Variants in ANK3 observed in about 807,000 individuals in gnomAD.
The protein encoded by ANK3 is ankyrin 3.
In ANK3, 57 loss-of-function variants were observed where a neutral mutation model predicts 370.9. That is an observed-to-expected ratio of 0.15 (90% CI 0.12 to 0.19). The LOEUF is 0.19. Among genes scored for constraint, ANK3 ranks in the 10% least tolerant of loss-of-function variants. ANK3 has a pLI of 1.00. For missense variants in ANK3, 4,439 were observed against 5,302.1 expected, an observed-to-expected ratio of 0.84 and a Z score of 5.06; for synonymous variants, 1,929 against 1,946.3, an observed-to-expected ratio of 0.99 and a Z score of 0.23.
chr10:60,723,765 T>A (rs1454495876), intron 1 of ANK3, among the ~76,000 whole-genome samples: 1 of 152,172 alleles, frequency 6.6e-6, no homozygotes, highest in Non-Finnish European at 1.5e-5. Flanking sequence ...TATAGCCATT[T>A]TCTATAACTA....
intron 23 of ANK3, among the ~76,000 whole-genome samples, chr10:60,156,432 C>A (rs528104583): frequency 1.3e-5 from 2 of 152,168 alleles, no homozygotes; most frequent in Non-Finnish European, 2.9e-5. Flanking sequence ...ACATCAGCGA[C>A]AGCCAGGCAG....
intron 1 of ANK3, among the ~76,000 whole-genome samples, chr10:60,703,489 T>C (rs2079572146): frequency 6.6e-6 from 1 of 152,218 alleles, no homozygotes; most frequent in Non-Finnish European, 1.5e-5. Flanking sequence ...TCGGATTTTG[T>C]ATGTTTTAAA....
intron 1 of ANK3, among the ~76,000 whole-genome samples, chr10:60,653,561 CTT>C (rs2078821516): frequency 1.3e-5 from 2 of 152,112 alleles, no homozygotes; most frequent in Admixed American, 6.6e-5. Flanking sequence ...TAATGTGACT[CTT>C]TTGTTCTTTT....
chr10:60,719,664 T>A lies in ANK3; in HGVS notation c.57+13599A>T, dbSNP rs541226875. Among the ~76,000 whole-genome samples the A allele has an allele frequency of 2.0e-5, 3 of 152,296 alleles. No homozygotes were observed. In the South Asian group the frequency reaches 6.2e-4, roughly 32 times the overall value. ...GTGTCTATTCATACCCCAGAGCCAT[T>A]TATCCTTTTGGTACTTTGTCCTTTT... On this transcript the variant is annotated intron_variant, in intron 1 of 43. Transcript: ENST00000373827.
At chr10:60,635,555 T>C (rs987543019) in intron 1 of ANK3, among the ~76,000 whole-genome samples, 1 of 152,192 alleles carries the variant, frequency 6.6e-6, no homozygotes, top group Non-Finnish European at 1.5e-5. Context: ...AAGTCATTCA[T>C]AGAACATTTC....
chr10:60,358,099 TACACACACACACACACACACAA>T (rs1206522484), intron 1 of ANK3, among the ~76,000 whole-genome samples: 20 of 121,534 alleles, frequency 1.6e-4, no homozygotes, highest in African/African-American at 4.2e-4. Flanking sequence ...TGCATATGTA[TACACACACACACACACACACAA>T]ACACACACAC....
intron 2 of ANK3, among the ~76,000 whole-genome samples, chr10:60,506,785 C>T (rs1441062002): frequency 1.3e-5 from 2 of 152,074 alleles, no homozygotes; most frequent in African/African-American, 2.4e-5. Flanking sequence ...AAAAATTTCA[C>T]AGGTCTGAAG....
At chr10:60,404,847 G>A (rs2063421585) in intron 2 of ANK3, among the ~76,000 whole-genome samples, 1 of 152,104 alleles carries the variant, frequency 6.6e-6, no homozygotes, top group South Asian at 2.1e-4. Context: ...GAAAATATAA[G>A]TGACTCCAAC....
chr10:60,167,016 C>G, intron 21 of ANK3, 120 bp from the exon 22 acceptor site: 2 of 814,556 alleles, frequency 2.5e-6, no homozygotes, highest in Non-Finnish European at 4.0e-6. Context: ...TCTTGAATCT[C>G]CCACATATAA....
intron 7 of ANK3, among the ~76,000 whole-genome samples, chr10:60,255,330 A>C (rs1053845793): frequency 2.6e-4 from 39 of 152,192 alleles, no homozygotes; most frequent in African/African-American, 8.9e-4. Context: ...TAAATAGAAA[A>C]AAGGCTATCA....
intron 2 of ANK3, among the ~76,000 whole-genome samples, chr10:60,532,221 T>A (rs2133202010): frequency 6.6e-6 from 1 of 152,290 alleles, no homozygotes; most frequent in East Asian, 1.9e-4. Flanking sequence ...CATACTTACT[T>A]CTCACAATCA....
At chr10:60,635,506 A>G (rs2078541601) in intron 1 of ANK3, among the ~76,000 whole-genome samples, 1 of 152,130 alleles carries the variant, frequency 6.6e-6, no homozygotes, top group African/African-American at 2.4e-5. Context: ...GTTTCTGAAC[A>G]CCTTATCAGT....
At chr10:60,136,645 T>C (rs1250853479) in intron 24 of ANK3, among the ~76,000 whole-genome samples, 2 of 152,182 alleles carry the variant, frequency 1.3e-5, no homozygotes, top group African/African-American at 4.8e-5. Context: ...TCTCTATGAG[T>C]GCCAACTGCA....
chr10:60,356,030 T>G (rs1320894955), intron 1 of ANK3, among the ~76,000 whole-genome samples: 2 of 152,124 alleles, frequency 1.3e-5, no homozygotes, highest in South Asian at 2.1e-4. Flanking sequence ...AACACACACA[T>G]AAGAAGTTCA....
intron 7 of ANK3, among the ~76,000 whole-genome samples, chr10:60,253,751 AG>A (rs2097698963): frequency 6.6e-6 from 1 of 152,158 alleles, no homozygotes; most frequent in South Asian, 2.1e-4. Context: ...TTTCATGGGG[AG>A]GTTTACATAA....
At chr10:60,352,375 C>T (rs1283662709) in intron 1 of ANK3, among the ~76,000 whole-genome samples, 1 of 152,198 alleles carries the variant, frequency 6.6e-6, no homozygotes, top group Non-Finnish European at 1.5e-5. Context: ...TGAAGGTTTG[C>T]CTTTGGACTT....
At chr10:60,111,984 C>T (rs2092746243) in intron 26 of ANK3, among the ~76,000 whole-genome samples, 1 of 152,196 alleles carries the variant, frequency 6.6e-6, no homozygotes, top group Middle Eastern at 3.2e-3. Flanking sequence ...TAAGTGCACA[C>T]CAGGTCTATA....
chr10:60,380,381 T>C (rs1027342527), intron 1 of ANK3, among the ~76,000 whole-genome samples: 9 of 152,058 alleles, frequency 5.9e-5, no homozygotes, highest in African/African-American at 9.7e-5. Context: ...CAGTGTGACA[T>C]AGAGGCAATT....
intron 23 of ANK3, among the ~76,000 whole-genome samples, chr10:60,152,418 C>G (rs926176355): frequency 2.6e-5 from 4 of 152,046 alleles, no homozygotes; most frequent in African/African-American, 9.7e-5. Context: ...ACCACTGGCT[C>G]TCTATAGAAA....
Sources: gnomAD v4.1 joint callset for allele counts (sites outside exome capture counted in the v4.1 genomes callset) on GRCh38, gnomAD v4.1.1 for gene constraint, MANE v1.5 for transcripts, NCBI Gene and HGNC (gene_info 2026-07-23, HGNC 2026-07-21) for gene names.